ILRUN: variants seen among roughly 807,000 people sequenced by gnomAD.
ILRUN encodes inflammation and lipid regulator with UBA-like and NBR1-like domains.
Under a neutral mutation model 33.8 loss-of-function variants are expected in ILRUN, and 3 were observed. That is an observed-to-expected ratio of 0.09 (90% CI 0.04 to 0.23). ILRUN has a LOEUF of 0.23. Among genes scored for constraint, ILRUN ranks in the 10% least tolerant of loss-of-function variants. The pLI is 1.00. For missense variants in ILRUN, 210 were observed against 375.1 expected (o/e 0.56, Z 3.64); for synonymous variants, 124 against 138.9 (o/e 0.89, Z 0.75).
intron 3 of ILRUN, among the ~76,000 whole-genome samples, chr6:34,623,089 A>G (rs1366148639): frequency 1.3e-5 from 2 of 152,186 alleles, no homozygotes; most frequent in African/African-American, 2.4e-5. Context: ...GCTGGGGTGA[A>G]GGGGAATGGA....
intron 1 of ILRUN, among the ~76,000 whole-genome samples, chr6:34,666,132 G>A (rs908763432): frequency 6.6e-6 from 1 of 152,180 alleles, no homozygotes; most frequent in Non-Finnish European, 1.5e-5. Flanking sequence ...ACAATGTCAT[G>A]TTACCTAATA....
chr6:34,603,911 G>A (rs1162745765), intron 4 of ILRUN, among the ~76,000 whole-genome samples: 1 of 152,162 alleles, frequency 6.6e-6, no homozygotes, highest in Non-Finnish European at 1.5e-5. Context: ...ATTCTAAGGA[G>A]CCCTAAGAGC....
intron 3 of ILRUN, among the ~76,000 whole-genome samples, chr6:34,610,639 C>CA (rs1308386400): frequency 1.1e-4 from 17 of 151,856 alleles, no homozygotes; most frequent in Non-Finnish European, 8.8e-5. Flanking sequence ...TTCAAAAATC[C>CA]AAAAAAATGT....
chr6:34,688,253 A>G (rs1312618588), intron 1 of ILRUN, among the ~76,000 whole-genome samples: 1 of 151,966 alleles, frequency 6.6e-6, no homozygotes, highest in Non-Finnish European at 1.5e-5. Flanking sequence ...AAAAGCACAA[A>G]AACTGGCTGG....
chr6:34,614,753 TA>T lies in ILRUN; in HGVS notation c.512-7850del, dbSNP rs1195255354. ...CAATAGAAAAACCTGGCAAACATAC[TA>T]CTTAACCAAGTGATCAAGGTTAGCA... On this transcript the variant is annotated intron_variant, in intron 3 of 4. Coordinates refer to ENST00000374023, the MANE Select transcript of ILRUN (RefSeq NM_024294.4). 2.0e-5 allele frequency among the ~76,000 whole-genome samples: 3 copies of T among 152,134 alleles called. No individual in the cohort carries two copies. In the East Asian group the frequency reaches 5.8e-4, roughly 29 times the overall value.
chr6:34,659,024 C>T (rs1762835855), intron 1 of ILRUN, among the ~76,000 whole-genome samples: 1 of 152,250 alleles, frequency 6.6e-6, no homozygotes, highest in Non-Finnish European at 1.5e-5. Context: ...AATGAACGAG[C>T]ATTTACCCTT....
intron 2 of ILRUN, among the ~76,000 whole-genome samples, chr6:34,647,762 A>G (rs961388934): frequency 2.6e-5 from 4 of 152,124 alleles, no homozygotes; most frequent in Non-Finnish European, 5.9e-5. Flanking sequence ...ATGGGGTTTC[A>G]CTATGTTGGC....
intron 3 of ILRUN, among the ~76,000 whole-genome samples, chr6:34,642,034 T>G (rs1238947316): frequency 6.6e-6 from 1 of 152,228 alleles, no homozygotes; most frequent in East Asian, 1.9e-4. Context: ...CTCCTCACTA[T>G]GAATTTTGCT....
At chr6:34,674,643 T>C (rs759479575) in intron 1 of ILRUN, among the ~76,000 whole-genome samples, 1 of 152,216 alleles carries the variant, frequency 6.6e-6, no homozygotes, top group South Asian at 2.1e-4. Context: ...GAACCCCTTG[T>C]TGCTTTTAAC....
chr6:34,594,894 G>A (rs1761370170), intron 4 of ILRUN, among the ~76,000 whole-genome samples: 1 of 152,162 alleles, frequency 6.6e-6, no homozygotes, highest in Non-Finnish European at 1.5e-5. Flanking sequence ...AAATTTTGTT[G>A]TTGGGTGTGG....
rs925417618 is a variant in ILRUN at position 34,646,109 on chromosome 6, G to A, written c.511+492C>T. On this transcript the variant is annotated intron_variant, in intron 3 of 4. Coordinates refer to ENST00000374023, the MANE Select transcript of ILRUN (RefSeq NM_024294.4). The surrounding 1 kb of genome is among the most constrained non-coding windows in gnomAD (Gnocchi z 4.9). ...GGGGAGTGGATAAAGGATAAATTGG[G>A]TTGAAGAGTGAATGGAAAATGTGAA... 1.3e-5 allele frequency among the ~76,000 whole-genome samples: 2 copies of A among 152,196 alleles called. No homozygotes were observed. Among genetic ancestry groups the A allele is most frequent in the African/African-American group, 4.8e-5 (2 of 41,442 alleles).
At chr6:34,688,990 G>C (rs984127258) in intron 1 of ILRUN, among the ~76,000 whole-genome samples, 1 of 150,526 alleles carries the variant, frequency 6.6e-6, no homozygotes, top group Non-Finnish European at 1.5e-5. Context: ...TCCAGAATAG[G>C]TACATACATA....
chr6:34,598,908 C>T (rs1301399472), intron 4 of ILRUN, among the ~76,000 whole-genome samples: 1 of 152,230 alleles, frequency 6.6e-6, no homozygotes, highest in Non-Finnish European at 1.5e-5. Context: ...CCCAGAGTAT[C>T]CTGGCAAGTC....
chr6:34,632,066 C>T (rs1299641845), intron 3 of ILRUN, among the ~76,000 whole-genome samples: 2 of 152,096 alleles, frequency 1.3e-5, no homozygotes, highest in African/African-American at 2.4e-5. Context: ...GAATAGGTAG[C>T]ACAATACCAT....
At chr6:34,637,607 T>G (rs1762388905) in intron 3 of ILRUN, among the ~76,000 whole-genome samples, 2 of 152,218 alleles carry the variant, frequency 1.3e-5, no homozygotes, top group South Asian at 4.1e-4. Context: ...AAAGCAAACA[T>G]CATTAGCACT....
rs137991636 is a variant in ILRUN at position 34,686,247 on chromosome 6, T to C, written c.158+10199A>G. On this transcript the variant is annotated intron_variant, in intron 1 of 4. Coordinates refer to ENST00000374023, the MANE Select transcript of ILRUN (RefSeq NM_024294.4). Reference sequence around the variant, plus strand: ...CAGGTGTGGTGGCTCACACCTGTAATCCCAGCACTTTGGGAGGCTGAGGTG... The same window carrying C: ...CAGGTGTGGTGGCTCACACCTGTAACCCCAGCACTTTGGGAGGCTGAGGTG... Among the ~76,000 whole-genome samples, 5 of 152,238 alleles carry C rather than the reference T, an allele frequency of 3.3e-5. No individual in the cohort carries two copies. The East Asian group carries it at 9.7e-4, about 29-fold the overall frequency.
chr6:34,695,050 CA>C (rs60744554), intron 1 of ILRUN, among the ~76,000 whole-genome samples: 423 of 110,802 alleles, frequency 3.8e-3, no homozygotes, highest in African/African-American at 0.013. Context: ...GACTCCGTCT[CA>C]AAAAAAAAAA....
At chr6:34,690,526 T>A (rs1763624543) in intron 1 of ILRUN, among the ~76,000 whole-genome samples, 1 of 152,064 alleles carries the variant, frequency 6.6e-6, no homozygotes, top group South Asian at 2.1e-4. Flanking sequence ...TTGTTATATA[T>A]ATTTTACCAC....
chr6:34,683,517 T>C (rs1438150422), intron 1 of ILRUN, among the ~76,000 whole-genome samples: 7 of 129,824 alleles, frequency 5.4e-5, no homozygotes, highest in Non-Finnish European at 1.1e-4. Context: ...TATATATACA[T>C]ATATATATAT....
Sources: gnomAD v4.1 joint callset for allele counts (sites outside exome capture counted in the v4.1 genomes callset) on GRCh38, gnomAD v4.1.1 for gene constraint, Gnocchi (gnomAD v3.1) non-coding constraint, MANE v1.5 for transcripts, NCBI Gene and HGNC (gene_info 2026-07-23, HGNC 2026-07-21) for gene names.